ANKRD26: variants seen among roughly 807,000 people sequenced by gnomAD.
ANKRD26 encodes ankyrin repeat domain 26.
A neutral mutation model predicts 208.7 loss-of-function variants in ANKRD26; 141 were observed. The observed-to-expected ratio is 0.68, with a 90% CI of 0.59 to 0.78. ANKRD26 has a LOEUF of 0.78. Ranked by LOEUF, ANKRD26 falls within the 30% of genes least tolerant of loss-of-function variation. The probability of loss-of-function intolerance (pLI) is 0.00; values close to 1 mark genes in which losing one functional copy is unlikely to be tolerated. For synonymous variants in ANKRD26, 636 were observed against 660.4 expected, an observed-to-expected ratio of 0.96 and a Z score of 0.57; for missense variants, 1,889 against 1,938.7, an observed-to-expected ratio of 0.97 and a Z score of 0.48.
At chr10:27,065,867 T>C (rs1313333366) in intron 11 of ANKRD26, among the ~76,000 whole-genome samples, 1 of 136,674 alleles carries the variant, frequency 7.3e-6, no homozygotes, top group Non-Finnish European at 1.6e-5. Flanking sequence ...TTCTTTTTTT[T>C]TTTTTTTTTT....
At chr10:26,987,120 G>A (rs557893199), downstream of ANKRD26, among the ~76,000 whole-genome samples, 66 of 152,288 alleles carry the variant, frequency 4.3e-4, no homozygotes, top group African/African-American at 1.4e-3. Flanking sequence ...ATGAGTTCAT[G>A]TCCTTTGTAG....
chr10:27,014,823 A>G (rs2053237894), intron 30 of ANKRD26, 112 bp from the exon 31 acceptor site: 2 of 815,566 alleles, frequency 2.5e-6, no homozygotes, highest in Non-Finnish European at 4.0e-6. Context: ...CCAAAAAGAG[A>G]AAGATCTCTG....
At chr10:26,977,663 G>C (rs1485986725) in intron 5 of ANKRD26, among the ~76,000 whole-genome samples, 1 of 152,140 alleles carries the variant, frequency 6.6e-6, no homozygotes, top group Non-Finnish European at 1.5e-5. Flanking sequence ...TACAATGGTA[G>C]GCTAAATTGA....
intron 27 of ANKRD26, among the ~76,000 whole-genome samples, chr10:27,028,585 CAAAAAA>C (rs11294303): frequency 2.6e-5 from 2 of 76,092 alleles, no homozygotes; most frequent in Admixed American, 3.1e-4. Context: ...GACTCCATCT[CAAAAAA>C]AAAAAAAAAA....
At chr10:27,015,430 C>T (rs1353397006) in intron 30 of ANKRD26, among the ~76,000 whole-genome samples, 2 of 152,230 alleles carry the variant, frequency 1.3e-5, no homozygotes, top group African/African-American at 2.4e-5. Flanking sequence ...GGCTTGGGCC[C>T]TGCTGTTTAA....
At chr10:27,087,839 G>A (rs182784342) in intron 4 of ANKRD26, among the ~76,000 whole-genome samples, 8 of 152,220 alleles carry the variant, frequency 5.3e-5, no homozygotes, top group Admixed American at 2.0e-4. Flanking sequence ...GGAGTGCAGT[G>A]GCATGGTCAT....
intron 33 of ANKRD26, among the ~76,000 whole-genome samples, 185 bp downstream of exon 33, chr10:27,006,732 A>G (rs961012150): frequency 1.3e-5 from 2 of 152,244 alleles, no homozygotes; most frequent in African/African-American, 4.8e-5. Flanking sequence ...AATGAGACAA[A>G]GTAAGTATAC....
chr10:27,079,260 A>T, intron 6 of ANKRD26, 99 bp from the exon 7 acceptor site: 2 of 935,902 alleles, frequency 2.1e-6, no homozygotes, highest in South Asian at 2.8e-5. Context: ...CCTCCAAAAA[A>T]ACAAAAACCT....
chr10:26,957,005 C>T, the ANKRD26 span, among the ~76,000 whole-genome samples: 2 of 152,186 alleles, frequency 1.3e-5, no homozygotes, highest in Non-Finnish European at 2.9e-5. Context: ...ATTGAGAATA[C>T]TGGAGCAGCA....
intron 12 of ANKRD26, chr10:27,062,228 C>T: frequency 3.1e-6 from 3 of 975,792 alleles, no homozygotes; most frequent in Non-Finnish European, 3.7e-6. Context: ...CTTATATCTA[C>T]AATTTCTATT....
Position 27,005,441 on chromosome 10 carries a change from C to A in ANKRD26, c.*149G>T. ...AAATCCACTTAAAAGTTAAAGAAGC[C>A]AAGTAACATTGTTTAAAATACTATA... On this transcript the variant is annotated 3_prime_UTR_variant, in exon 34 of 34. Coordinates refer to ENST00000376087, the MANE Select transcript of ANKRD26 (RefSeq NM_014915.3). 1 of 1,388,182 alleles carries A rather than the reference C, an allele frequency of 7.2e-7. No individual in the cohort carries two copies. Among genetic ancestry groups the A allele is most frequent in the Non-Finnish European group, 9.3e-7 (1 of 1,074,482 alleles). The allele number at this position is 1,388,182 out of a possible 1,614,324, so 86.0% of individuals were successfully genotyped here. A position where few individuals can be genotyped will look rare whatever the true frequency, so the allele number is the denominator to read the frequency against.
At chr10:27,078,959 G>T in intron 7 of ANKRD26, 130 bp downstream of exon 7, 3 of 597,124 alleles carry the variant, frequency 5.0e-6, no homozygotes, top group Non-Finnish European at 8.7e-6. Context: ...TCTATAAAAT[G>T]GCTTCCCCTG....
At position 27,017,516 on chromosome 10, in the gene ANKRD26, TGAC is replaced by T. The variant is rs1402502172; in HGVS notation, c.4489_4491del (p.Val1497del). ...CATAAGCTAACCTGTAAAAATAGAT[TGAC>T]TTCTTTTAATTTTTCTGCTATTTCC... On this transcript the variant is annotated inframe_deletion, in exon 30 of 34. Transcript: ENST00000376087. 4 of 1,613,520 alleles carry T rather than the reference TGAC, an allele frequency of 2.5e-6. No homozygotes were observed. In the Admixed American group the frequency reaches 6.7e-5, roughly 27 times the overall value.
intron 4 of ANKRD26, 142 bp from the exon 5 acceptor site, chr10:27,086,751 G>A: frequency 4.5e-6 from 3 of 661,490 alleles, no homozygotes; most frequent in Non-Finnish European, 6.5e-6. Context: ...AAATATGTAA[G>A]CTCTACAAAC....
chr10:27,030,925 G>A (rs1024937446), intron 25 of ANKRD26, among the ~76,000 whole-genome samples: 4 of 152,074 alleles, frequency 2.6e-5, no homozygotes, highest in Admixed American at 6.5e-5. Flanking sequence ...TATTCACCTC[G>A]TAGGCAAATT....
At chr10:26,969,337 G>A (rs1181813731), downstream of ANKRD26, among the ~76,000 whole-genome samples, 2 of 152,150 alleles carry the variant, frequency 1.3e-5, no homozygotes, top group African/African-American at 2.4e-5. Context: ...ATAACTACAC[G>A]GTTTTAGAAA....
intron 4 of ANKRD26, 43 bp from the exon 5 acceptor site, chr10:27,086,652 CA>C (rs775168176): frequency 1.6e-5 from 24 of 1,542,886 alleles, no homozygotes; most frequent in Admixed American, 1.8e-5. Flanking sequence ...AATACTGATA[CA>C]AAAAATATTT....
intron 13 of ANKRD26, 107 bp from the exon 14 acceptor site, chr10:27,060,647 A>T: frequency 1.1e-6 from 1 of 877,046 alleles, no homozygotes. Flanking sequence ...TGGTTTGAAA[A>T]TGATTATGTT....
At chr10:27,089,295 A>C (rs968912856) in intron 4 of ANKRD26, among the ~76,000 whole-genome samples, 1 of 152,246 alleles carries the variant, frequency 6.6e-6, no homozygotes, top group Non-Finnish European at 1.5e-5. Context: ...GAAAAATTCA[A>C]GGCAGAGGGC....
Sources: allele counts gnomAD v4.1 joint callset (sites outside exome capture counted in the v4.1 genomes callset), GRCh38; gene constraint gnomAD v4.1.1; transcripts MANE v1.5; gene names NCBI Gene and HGNC (gene_info 2026-07-23, HGNC 2026-07-21).